Variants in ZEB2 observed in about 807,000 individuals in gnomAD.
The protein encoded by ZEB2 is zinc finger E-box-binding homeobox 2.
A neutral mutation model predicts 99.9 loss-of-function variants in ZEB2; 6 were observed. The ratio of observed to expected loss-of-function variants is 0.06; its 90% CI spans 0.03 to 0.12. The LOEUF (loss-of-function observed/expected upper bound fraction) is 0.12, where lower values mean the gene tolerates loss of function less well. Among genes scored for constraint, ZEB2 ranks in the 10% least tolerant of loss-of-function variants. The pLI, the probability that ZEB2 is intolerant of heterozygous loss-of-function variation, is 1.00. For missense variants in ZEB2, 969 were observed against 1,502.8 expected, an observed-to-expected ratio of 0.64 and a Z score of 5.87; for synonymous variants, 517 against 542.5, an observed-to-expected ratio of 0.95 and a Z score of 0.65.
At position 144,389,686 on chromosome 2, in the gene ZEB2, T is replaced by C; in HGVS notation, c.3410A>G (p.Glu1137Gly). Reference protein sequence around the residue: ...RESMPRDGESEKEHEKEGEDG... With the variant: ...RESMPRDGESGKEHEKEGEDG... ...CTCGCCTTCTTTCTCGTGCTCCTTC[T>C]CGCTCTCGCCATCCCTCGGCATACT... is the stretch of plus-strand genomic sequence containing the variant. Residue 1137 changes from glutamate (E) to glycine (G), a missense_variant, in exon 10 of 10, where the codon GAG becomes GGG. By Grantham distance (98) the Glu-to-Gly change is moderately conservative (BLOSUM62 -2). Transcript: ENST00000627532. This position sits in a 1 kb window ranked among gnomAD's most constrained non-coding sequence, Gnocchi z 6.8. 6.2e-7 allele frequency: 1 copy of C among 1,614,108 alleles called. No individual in the cohort carries two copies. The highest frequency in any genetic ancestry group is 8.5e-7 in the Non-Finnish European group (1 of 1,180,006).
At chr2:144,455,147 C>A (rs772623613) in intron 2 of ZEB2, 1 of 152,168 alleles carries the variant, frequency 6.6e-6, no homozygotes, top group Non-Finnish European at 1.5e-5. Context: ...GAAGGGAAAA[C>A]CTGCCGCTTC....
At chr2:144,504,603 T>G (rs1292253002) in intron 2 of ZEB2, 1 of 152,080 alleles carries the variant, frequency 6.6e-6, no homozygotes, top group African/African-American at 2.4e-5. Context: ...TTATGTCAAG[T>G]CGATTTTGCA....
chr2:144,406,731 G>C (rs1204531316), intron 4 of ZEB2, among the ~76,000 whole-genome samples: 1 of 152,196 alleles, frequency 6.6e-6, no homozygotes, highest in Non-Finnish European at 1.5e-5. Flanking sequence ...CTATTGAAGA[G>C]TATTAAGCAA....
chr2:144,416,399 G>C (rs942875633), intron 4 of ZEB2, among the ~76,000 whole-genome samples: 1 of 152,086 alleles, frequency 6.6e-6, no homozygotes, highest in Non-Finnish European at 1.5e-5. Flanking sequence ...TTTTCAAAAT[G>C]GGATATTCCT....
chr2:144,392,039 T>G (rs923146544), intron 9 of ZEB2, among the ~76,000 whole-genome samples: 25 of 152,204 alleles, frequency 1.6e-4, no homozygotes, highest in African/African-American at 6.0e-4. Flanking sequence ...TTCTTATTCA[T>G]TAATACATGT....
chr2:144,394,431 T>C (rs1330405673), intron 9 of ZEB2: 1 of 152,154 alleles, frequency 6.6e-6, no homozygotes, highest in Non-Finnish European at 1.5e-5. Context: ...GGTCATATAA[T>C]AAAACCAATC....
chr2:144,500,004 A>C (rs1307773068), intron 2 of ZEB2, among the ~76,000 whole-genome samples: 1 of 152,230 alleles, frequency 6.6e-6, no homozygotes, highest in Non-Finnish European at 1.5e-5. Flanking sequence ...TTGATTTTCA[A>C]ATTACCTCAA....
Position 144,399,064 on chromosome 2 carries a change from A to C in ZEB2, c.2123T>G (p.Leu708Arg). 6.8e-6 allele frequency: 11 copies of C among 1,614,102 alleles called. No individual in the cohort carries two copies. The highest frequency in any genetic ancestry group is 9.3e-6 in the Non-Finnish European group (11 of 1,180,004). The change falls in exon 8 of 10, where the codon CTG (leucine) becomes CGG (arginine). Residue 708 changes from leucine (L) to arginine (R), a missense_variant. Coordinates refer to ENST00000627532, the MANE Select transcript of ZEB2 (RefSeq NM_014795.4). This position sits in a 1 kb window ranked among gnomAD's most constrained non-coding sequence, Gnocchi z 5.6. ...AGCTAACGGCTTGGAGCTTCTTTCC[A>C]GGGATGGGGACCTGGAATTTGAGTA... ...YQYSNSRSPS[L>R]ERSSKPLAPN...
intron 4 of ZEB2, among the ~76,000 whole-genome samples, chr2:144,422,811 A>G (rs1298360268): frequency 7.2e-6 from 1 of 138,660 alleles, no homozygotes; most frequent in African/African-American, 3.3e-5. Context: ...AAACAAAACA[A>G]AACAAATCAA....
chr2:144,419,409 TG>T (rs1218558820), intron 4 of ZEB2, among the ~76,000 whole-genome samples: 18 of 152,172 alleles, frequency 1.2e-4, no homozygotes, highest in African/African-American at 4.3e-4. Flanking sequence ...CAGATGCAGG[TG>T]GTTATTAATA....
intron 2 of ZEB2, among the ~76,000 whole-genome samples, chr2:144,433,720 G>A (rs759417326): frequency 7.9e-5 from 12 of 152,072 alleles, no homozygotes; most frequent in Non-Finnish European, 1.5e-4. Flanking sequence ...TTCCTTCCAA[G>A]TAAACAATAC....
At chr2:144,391,301 C>T (rs543115049) in intron 9 of ZEB2, among the ~76,000 whole-genome samples, 6 of 152,212 alleles carry the variant, frequency 3.9e-5, no homozygotes, top group African/African-American at 1.4e-4. Flanking sequence ...CTGGAATGTC[C>T]ACTAGAAATT....
At chr2:144,443,953 C>T (rs1253979228) in intron 2 of ZEB2, among the ~76,000 whole-genome samples, 1 of 152,036 alleles carries the variant, frequency 6.6e-6, no homozygotes, top group Non-Finnish European at 1.5e-5. Flanking sequence ...ACACATCCCA[C>T]AAATAAGTAA....
chr2:144,493,460 G>A lies in ZEB2; in HGVS notation c.73+23818C>T, dbSNP rs188283443. ...CGCACCCAGGGGCACATGGCATGGAGAGTAAATGGCAGAATCAGAATGTGG... is the reference window on the plus strand; with the variant it reads ...CGCACCCAGGGGCACATGGCATGGAAAGTAAATGGCAGAATCAGAATGTGG... On this transcript the variant is annotated intron_variant, in intron 2 of 9. Coordinates refer to ENST00000627532, the MANE Select transcript of ZEB2 (RefSeq NM_014795.4). 1.0e-3 allele frequency among the ~76,000 whole-genome samples: 155 copies of A among 152,358 alleles called. 1 individual carries two copies. Among genetic ancestry groups the A allele is most frequent in the Middle Eastern group, 6.8e-3 (2 of 294 alleles).
Position 144,497,832 on chromosome 2 carries a change from TATATATATATATGTCATTCTCAAC to T in ZEB2, c.73+19422_73+19445del, listed in dbSNP as rs1704788403. 7 of 92,116 alleles carry T rather than the reference TATATATATATATGTCATTCTCAAC, an allele frequency of 7.6e-5. 1 individual carries two copies. Among genetic ancestry groups the T allele is most frequent in the African/African-American group, 3.5e-4 (7 of 19,782 alleles). The allele number at this position is 92,116 out of a possible 1,614,324, so 5.7% of individuals were successfully genotyped here. A position where few individuals can be genotyped will look rare whatever the true frequency, so the allele number is the denominator to read the frequency against. ...TAAAAAGACACTGTCATTCTCAACATATATATATATATGTCATTCTCAACATATATATATATATGTCATTCTCAA... is the reference window on the plus strand; with the variant it reads ...TAAAAAGACACTGTCATTCTCAACATATATATATATATATGTCATTCTCAA... On this transcript the variant is annotated intron_variant, in intron 2 of 9. Transcript: ENST00000627532.
chr2:144,454,370 C>G (rs574181224), intron 2 of ZEB2, among the ~76,000 whole-genome samples: 1 of 152,260 alleles, frequency 6.6e-6, no homozygotes, highest in South Asian at 2.1e-4. Context: ...AAGGATAAAC[C>G]TGATCCTAAT....
intron 9 of ZEB2, among the ~76,000 whole-genome samples, chr2:144,390,960 G>A (rs1201432005): frequency 6.6e-6 from 1 of 152,240 alleles, no homozygotes; most frequent in East Asian, 1.9e-4. Flanking sequence ...ATGCTCCAGA[G>A]TTAAAGTCAG....
chr2:144,433,575 T>C (rs1339123153), intron 2 of ZEB2, among the ~76,000 whole-genome samples: 1 of 152,204 alleles, frequency 6.6e-6, no homozygotes, highest in Non-Finnish European at 1.5e-5. Context: ...AAATTTGCTT[T>C]ATAGCAAATG....
chr2:144,428,407 T>C (rs1213835725), intron 3 of ZEB2: 3 of 152,180 alleles, frequency 2.0e-5, no homozygotes, highest in African/African-American at 4.8e-5. Flanking sequence ...CCTTTAATGA[T>C]CATCCTCTGC....
Sources: gnomAD v4.1 joint callset for allele counts (sites outside exome capture counted in the v4.1 genomes callset) on GRCh38, gnomAD v4.1.1 for gene constraint, Gnocchi (gnomAD v3.1) non-coding constraint, MANE v1.5 for transcripts, NCBI Gene and HGNC (gene_info 2026-07-23, HGNC 2026-07-21) for gene names.